EIF4G3: variants seen among roughly 807,000 people sequenced by gnomAD.
EIF4G3 encodes eukaryotic translation initiation factor 4 gamma 3, also known as eIF-4-gamma 3.
In EIF4G3, 34 loss-of-function variants were observed where a neutral mutation model predicts 186.4. The ratio of observed to expected loss-of-function variants is 0.18; its 90% CI spans 0.14 to 0.24. The LOEUF is 0.24. Among genes scored for constraint, EIF4G3 ranks in the 10% least tolerant of loss-of-function variants. EIF4G3 has a pLI of 1.00. For missense variants in EIF4G3, 1,536 were observed against 1,948.5 expected (o/e 0.79, Z 3.99); for synonymous variants, 673 against 679.5 (o/e 0.99, Z 0.15).
Position 20,934,874 on chromosome 1 carries a change from T to C in EIF4G3, c.1663+6617A>G, listed in dbSNP as rs147144074. Among the ~76,000 whole-genome samples the C allele has an allele frequency of 1.8e-4, 27 of 152,288 alleles. No individual in the cohort carries two copies. The East Asian group carries it at 4.8e-3, about 27-fold the overall frequency. ...TACCTCCTACTGAGGCCTATGACTC[T>C]GATCATATTATTTAAATACTACAAC... On this transcript the variant is annotated intron_variant, in intron 14 of 36. Coordinates refer to ENST00000602326, the MANE Select transcript of EIF4G3 (RefSeq NM_001391906.1).
chr1:20,939,857 T>G (rs559117720), intron 14 of EIF4G3, among the ~76,000 whole-genome samples: 21 of 136,096 alleles, frequency 1.5e-4, no homozygotes, highest in Admixed American at 7.1e-4. Flanking sequence ...GTTTTTTTTT[T>G]TTTTTTTTTT....
At chr1:21,126,619 G>A (rs1016393895) in intron 2 of EIF4G3, among the ~76,000 whole-genome samples, 1 of 151,606 alleles carries the variant, frequency 6.6e-6, no homozygotes, top group African/African-American at 2.4e-5. Context: ...CCATGCCACT[G>A]CATTCCTCCA....
intron 2 of EIF4G3, among the ~76,000 whole-genome samples, chr1:21,103,238 T>C (rs1032475424): frequency 3.3e-5 from 5 of 152,156 alleles, no homozygotes; most frequent in African/African-American, 1.2e-4. Context: ...CTGCTTTCTA[T>C]TCACTTTCCC....
intron 10 of EIF4G3, among the ~76,000 whole-genome samples, chr1:20,975,994 C>T (rs1021061774): frequency 7.2e-5 from 11 of 151,824 alleles, no homozygotes; most frequent in Non-Finnish European, 1.5e-4. Context: ...CTATCTAGCC[C>T]TTTACTGAAA....
At chr1:21,125,336 G>A (rs2097011202) in intron 2 of EIF4G3, among the ~76,000 whole-genome samples, 1 of 152,176 alleles carries the variant, frequency 6.6e-6, no homozygotes, top group Non-Finnish European at 1.5e-5. Context: ...TTAAACATTT[G>A]AAACAGTACC....
chr1:20,950,146 G>C (rs2096142019), intron 12 of EIF4G3, 35 bp from the exon 13 acceptor site: 1 of 1,489,710 alleles, frequency 6.7e-7, no homozygotes, highest in Admixed American at 2.3e-5. Context: ...GTGATAATGA[G>C]CGTGCGAACA....
chr1:21,051,108 A>G (rs1204960224), intron 3 of EIF4G3, 114 bp from the exon 4 acceptor site: 2 of 656,072 alleles, frequency 3.0e-6, no homozygotes, highest in African/African-American at 1.9e-5. Context: ...TTACACTAAA[A>G]TAAGCACGAG....
chr1:20,823,043 T>C (rs942970051), intron 33 of EIF4G3, among the ~76,000 whole-genome samples: 1 of 152,160 alleles, frequency 6.6e-6, no homozygotes, highest in Non-Finnish European at 1.5e-5. Context: ...TGTATTTTTT[T>C]TTTGAGGGGG....
chr1:20,808,008 C>A (rs1339642057), intron 36 of EIF4G3, among the ~76,000 whole-genome samples: 1 of 151,736 alleles, frequency 6.6e-6, no homozygotes, highest in Non-Finnish European at 1.5e-5. Flanking sequence ...CTCAGCCTCC[C>A]AAGTACCTGG....
chr1:20,867,366 C>T (rs751510179), intron 20 of EIF4G3, among the ~76,000 whole-genome samples: 1 of 152,202 alleles, frequency 6.6e-6, no homozygotes, highest in Non-Finnish European at 1.5e-5. Context: ...TCAGCCCCTA[C>T]ACCTGCAGAA....
chr1:21,071,658 T>C (rs1290176099), intron 3 of EIF4G3, among the ~76,000 whole-genome samples: 1 of 151,802 alleles, frequency 6.6e-6, no homozygotes, highest in Non-Finnish European at 1.5e-5. Context: ...ATACAAAAAT[T>C]AGCCAGGCAT....
chr1:21,127,177 T>C (rs1201972478), intron 2 of EIF4G3, among the ~76,000 whole-genome samples: 2 of 152,136 alleles, frequency 1.3e-5, no homozygotes, highest in East Asian at 1.9e-4. Context: ...TCTGTAAATA[T>C]GGGGTCTCAC....
At chr1:21,149,732 C>T (rs1402805275) in intron 2 of EIF4G3, among the ~76,000 whole-genome samples, 1 of 152,224 alleles carries the variant, frequency 6.6e-6, no homozygotes, top group Non-Finnish European at 1.5e-5. Context: ...ATTCCTCACA[C>T]AAGCTGCACG....
chr1:20,822,491 C>T (rs1385337353), intron 33 of EIF4G3, among the ~76,000 whole-genome samples: 1 of 147,924 alleles, frequency 6.8e-6, no homozygotes, highest in Non-Finnish European at 1.5e-5. Context: ...TGGTCTTTCT[C>T]TAAAAATTTT....
At chr1:20,863,378 T>TAAAAAAAAAAAAAAACAAAAAA (rs2076788998) in intron 22 of EIF4G3, among the ~76,000 whole-genome samples, 1 of 102,476 alleles carries the variant, frequency 9.8e-6, no homozygotes, top group Non-Finnish European at 1.9e-5. Flanking sequence ...CTACAAAAAG[T>TAAAAAAAAAAAAAAACAAAAAA]AAAAAAAAAA....
chr1:21,029,465 C>G (rs963962060), intron 4 of EIF4G3, among the ~76,000 whole-genome samples: 10 of 143,172 alleles, frequency 7.0e-5, no homozygotes, highest in African/African-American at 2.6e-4. Flanking sequence ...GAAATTGAGT[C>G]GGGGGGGGGA....
intron 4 of EIF4G3, among the ~76,000 whole-genome samples, chr1:21,006,356 T>G (rs980908622): frequency 6.6e-6 from 1 of 152,186 alleles, no homozygotes; most frequent in African/African-American, 2.4e-5. Flanking sequence ...AAGGATCATT[T>G]CAATAATAAT....
At chr1:20,817,278 AAAAAAAAAT>A (rs1458806598) in intron 34 of EIF4G3, 105 bp downstream of exon 34, 2 of 83,692 alleles carry the variant, frequency 2.4e-5, no homozygotes, top group African/African-American at 1.1e-4. Flanking sequence ...ATAAATAAAT[AAAAAAAAAT>A]AAAAATAAAA....
Position 20,849,392 on chromosome 1 carries a change from GT to G in EIF4G3, c.3888+22del, listed in dbSNP as rs750739069. ...CTATCAAAGGACTTACTGTGTGTGT[GT>G]TTTTTTTTTAATCTCATTTACCTTA... is the stretch of plus-strand genomic sequence containing the variant. On this transcript the variant is annotated intron_variant, in intron 29 of 36. Transcript: ENST00000602326. 6,806 of 1,057,634 alleles carry G rather than the reference GT, an allele frequency of 6.4e-3. 32 individuals are homozygous for G. Among genetic ancestry groups the G allele is most frequent in the African/African-American group, 0.031 (1,838 of 59,940 alleles). 65.5% of individuals were successfully genotyped at this position (1,057,634 alleles called of 1,614,324 possible).
Sources: gnomAD v4.1 joint callset for allele counts (sites outside exome capture counted in the v4.1 genomes callset) on GRCh38, gnomAD v4.1.1 for gene constraint, MANE v1.5 for transcripts, NCBI Gene and HGNC (gene_info 2026-07-23, HGNC 2026-07-21) for gene names.